Variants in NUMB observed in about 807,000 individuals in gnomAD.
NUMB encodes the protein NUMB endocytic adaptor protein.
NUMB carries 29 observed loss-of-function variants against 59.7 expected under a neutral mutation model. The ratio of observed to expected loss-of-function variants is 0.49; its 90% CI spans 0.36 to 0.66. NUMB has a LOEUF of 0.66. Among genes scored for constraint, NUMB ranks in the 30% least tolerant of loss-of-function variants. NUMB has a pLI of 0.00. For missense variants in NUMB, 723 were observed against 822.0 expected, an observed-to-expected ratio of 0.88 and a Z score of 1.47; for synonymous variants, 288 against 288.2, an observed-to-expected ratio of 1.00 and a Z score of 0.01.
intron 4 of NUMB, among the ~76,000 whole-genome samples, chr14:73,345,765 G>A (rs192345558): frequency 1.8e-3 from 276 of 151,868 alleles, no homozygotes; most frequent in African/African-American, 6.3e-3. Context: ...AAAATTAGCC[G>A]GGCGTGGTGG....
intron 1 of NUMB, among the ~76,000 whole-genome samples, chr14:73,427,327 T>A (rs1347065484): frequency 6.6e-6 from 1 of 151,924 alleles, no homozygotes; most frequent in Non-Finnish European, 1.5e-5. Flanking sequence ...TAGCCGGGCA[T>A]GGTCGCACAC....
At chr14:73,327,081 T>C (rs1891700695) in intron 4 of NUMB, among the ~76,000 whole-genome samples, 3 of 152,174 alleles carry the variant, frequency 2.0e-5, no homozygotes, top group African/African-American at 7.2e-5. Flanking sequence ...CCACATTTTT[T>C]CCTACAATTT....
chr14:73,313,883 T>C (rs867729139), intron 6 of NUMB, among the ~76,000 whole-genome samples: 31 of 151,588 alleles, frequency 2.0e-4, no homozygotes, highest in Middle Eastern at 6.8e-3. Flanking sequence ...TCTTGGCTCA[T>C]TGCAACCTCT....
chr14:73,369,321 G>A (rs942322166), intron 2 of NUMB, among the ~76,000 whole-genome samples: 1 of 152,144 alleles, frequency 6.6e-6, no homozygotes, highest in Non-Finnish European at 1.5e-5. Context: ...GATTACAGGC[G>A]TGAGCCACCG....
chr14:73,433,693 T>C (rs1897930303), intron 1 of NUMB, among the ~76,000 whole-genome samples: 1 of 152,148 alleles, frequency 6.6e-6, no homozygotes, highest in Non-Finnish European at 1.5e-5. Context: ...CCACGGTCTG[T>C]TAATTCAGAT....
intron 1 of NUMB, among the ~76,000 whole-genome samples, chr14:73,417,062 G>C (rs1049285149): frequency 2.0e-5 from 3 of 151,716 alleles, no homozygotes; most frequent in Non-Finnish European, 2.9e-5. Flanking sequence ...AGAGGAGATC[G>C]GTCACAGGAT....
At chr14:73,357,333 G>A (rs1478236919) in intron 3 of NUMB, among the ~76,000 whole-genome samples, 1 of 150,390 alleles carries the variant, frequency 6.6e-6, no homozygotes, top group Non-Finnish European at 1.5e-5. Context: ...AACCTGGGGG[G>A]CAGAGGCTGC....
chr14:73,414,719 T>C (rs919827578), intron 1 of NUMB, among the ~76,000 whole-genome samples: 1 of 151,476 alleles, frequency 6.6e-6, no homozygotes, highest in African/African-American at 2.4e-5. Context: ...TGGGGGCGGG[T>C]GCGGGGGGGG....
chr14:73,315,472 G>T (rs1891038115), intron 6 of NUMB, among the ~76,000 whole-genome samples: 1 of 152,004 alleles, frequency 6.6e-6, no homozygotes, highest in African/African-American at 2.4e-5. Context: ...TAAATTTAGG[G>T]AGATCTGAAC....
At chr14:73,400,034 G>A (rs559527777) in intron 2 of NUMB, among the ~76,000 whole-genome samples, 13 of 151,940 alleles carry the variant, frequency 8.6e-5, no homozygotes, top group African/African-American at 3.1e-4. Flanking sequence ...GTGAGACTCT[G>A]TCTCAAAAAC....
chr14:73,322,635 C>T (rs542656524), intron 5 of NUMB, among the ~76,000 whole-genome samples: 6 of 152,222 alleles, frequency 3.9e-5, no homozygotes, highest in Non-Finnish European at 7.4e-5. Flanking sequence ...CCAGTTATCA[C>T]AGTTAGGGTA....
At chr14:73,414,736 T>C (rs1897049899) in intron 1 of NUMB, among the ~76,000 whole-genome samples, 1 of 152,154 alleles carries the variant, frequency 6.6e-6, no homozygotes, top group Non-Finnish European at 1.5e-5. Flanking sequence ...GGGGCGGGTT[T>C]TGAGACTGAG....
intron 6 of NUMB, chr14:73,299,144 G>A (rs769292522): frequency 3.3e-5 from 5 of 152,074 alleles, no homozygotes; most frequent in Non-Finnish European, 5.9e-5. Flanking sequence ...CAAACAACAT[G>A]GCAAGTCTGG....
intron 5 of NUMB, 41 bp from the exon 6 acceptor site, chr14:73,316,463 G>A (rs1891090602): frequency 6.3e-7 from 1 of 1,589,654 alleles, no homozygotes; most frequent in Non-Finnish European, 8.6e-7. Context: ...ATTATTGTAT[G>A]GCCTAAATGT....
At chr14:73,407,747 T>C (rs113714890) in intron 2 of NUMB, among the ~76,000 whole-genome samples, 1 of 152,222 alleles carries the variant, frequency 6.6e-6, no homozygotes, top group East Asian at 1.9e-4. Flanking sequence ...CTAAAGCCTA[T>C]TGTCCATTCC....
In NUMB at chr14:73,287,210, A is replaced by T. The variant is rs1327094039; in HGVS notation, c.555T>A (p.Ser185Arg). 1 of 1,613,684 alleles carries T rather than the reference A, an allele frequency of 6.2e-7. No homozygotes were observed. The highest frequency in any genetic ancestry group is 8.5e-7 in the Non-Finnish European group (1 of 1,180,000). ...ATCCTTCTCTTGTAAAAGTGGTCCG[A>T]CTAGCATCAAAAGTAGCAGTCACTC... is the stretch of plus-strand genomic sequence containing the variant. ...ECGVTATFDA[S>R]RTTFTREGSF... The change falls in exon 9 of 13, where the codon AGT (serine) becomes AGA (arginine). Residue 185 changes from serine (S) to arginine (R), a missense_variant. Ser to Arg is a moderately radical substitution (Grantham distance 110). Around this residue, in one of 2 missense-constraint regions of NUMB, gnomAD observed 317 missense variants for 436.6 expected, o/e 0.73. Transcript: ENST00000555238.
At chr14:73,371,529 A>G (rs558318727) in intron 2 of NUMB, among the ~76,000 whole-genome samples, 1 of 152,070 alleles carries the variant, frequency 6.6e-6, no homozygotes, top group South Asian at 2.1e-4. Flanking sequence ...GCAAGACTCC[A>G]TCTCAAAAAA....
At chr14:73,317,397 G>A (rs2139906446) in intron 5 of NUMB, among the ~76,000 whole-genome samples, 1 of 152,304 alleles carries the variant, frequency 6.6e-6, no homozygotes, top group South Asian at 2.1e-4. Flanking sequence ...TGCCTCCTGG[G>A]TTCAAGCAAT....
chr14:73,443,246 G>C (rs1231080998), intron 1 of NUMB, among the ~76,000 whole-genome samples: 1 of 152,144 alleles, frequency 6.6e-6, no homozygotes, highest in East Asian at 1.9e-4. Flanking sequence ...CACATGCCAT[G>C]GTGGGGGAAG....
Sources: allele counts gnomAD v4.1 joint callset (sites outside exome capture counted in the v4.1 genomes callset), GRCh38; gene constraint gnomAD v4.1.1; regional missense constraint gnomAD v4.1.1; transcripts MANE v1.5; gene names NCBI Gene and HGNC (gene_info 2026-07-23, HGNC 2026-07-21).